Variants in RAD51B observed in about 807,000 individuals in gnomAD.
The protein encoded by RAD51B is RAD51 paralog B.
A neutral mutation model predicts 42.2 loss-of-function variants in RAD51B; 38 were observed. That is an observed-to-expected ratio of 0.90 (90% CI 0.70 to 1.18). The LOEUF (loss-of-function observed/expected upper bound fraction) is 1.18, where lower values mean the gene tolerates loss of function less well. RAD51B is among the 50% of genes most tolerant of loss of function. The pLI is 0.00. For synonymous variants in RAD51B, 154 were observed against 145.2 expected (o/e 1.06, Z -0.43); for missense variants, 373 against 400.7 (o/e 0.93, Z 0.59).
intron 9 of RAD51B, among the ~76,000 whole-genome samples, chr14:68,419,722 C>G (rs1369859042): frequency 6.6e-6 from 1 of 152,158 alleles, no homozygotes; most frequent in African/African-American, 2.4e-5. Flanking sequence ...ATGGGAGAAC[C>G]AACTTTGTCT....
At chr14:67,830,802 G>A (rs2041010121) in intron 3 of RAD51B, among the ~76,000 whole-genome samples, 1 of 152,056 alleles carries the variant, frequency 6.6e-6, no homozygotes. Context: ...TTGAGAAACT[G>A]AGTGGTACCA....
intron 7 of RAD51B, among the ~76,000 whole-genome samples, chr14:68,090,078 T>G (rs1051681127): frequency 2.0e-5 from 3 of 152,186 alleles, no homozygotes; most frequent in Non-Finnish European, 4.4e-5. Context: ...ATTATTTTCT[T>G]ATTTAAAACC....
chr14:68,376,594 T>C (rs2083374871), intron 8 of RAD51B, among the ~76,000 whole-genome samples: 1 of 152,162 alleles, frequency 6.6e-6, no homozygotes. Context: ...GCCAACATAG[T>C]TGGGCAGGGA....
intron 7 of RAD51B, among the ~76,000 whole-genome samples, chr14:68,103,639 T>G (rs1035450193): frequency 4.6e-5 from 7 of 152,168 alleles, no homozygotes; most frequent in Non-Finnish European, 8.8e-5. Flanking sequence ...TTTAAAGTGT[T>G]AGTACAAATT....
chr14:67,869,228 G>A (rs2042436310), intron 5 of RAD51B, among the ~76,000 whole-genome samples: 1 of 152,200 alleles, frequency 6.6e-6, no homozygotes, highest in Non-Finnish European at 1.5e-5. Context: ...AACCAAGACA[G>A]GGAAGTGCTT....
At chr14:68,157,288 C>T (rs1205089027) in intron 7 of RAD51B, among the ~76,000 whole-genome samples, 1 of 152,126 alleles carries the variant, frequency 6.6e-6, no homozygotes, top group African/African-American at 2.4e-5. Context: ...TAAAAGAGTG[C>T]TATTAAAAGT....
chr14:68,147,611 T>C (rs2078279403), intron 7 of RAD51B, among the ~76,000 whole-genome samples: 1 of 152,192 alleles, frequency 6.6e-6, no homozygotes, highest in Non-Finnish European at 1.5e-5. Flanking sequence ...TAATGCCCAA[T>C]TGTATCCCCT....
intron 7 of RAD51B, among the ~76,000 whole-genome samples, chr14:68,009,006 C>T (rs2140326320): frequency 6.6e-6 from 1 of 152,058 alleles, no homozygotes; most frequent in South Asian, 2.1e-4. Context: ...ATCACTTTTA[C>T]CTTTAAATGA....
chr14:67,915,171 C>G (rs2044110135), intron 7 of RAD51B, among the ~76,000 whole-genome samples: 1 of 152,134 alleles, frequency 6.6e-6, no homozygotes, highest in Non-Finnish European at 1.5e-5. Context: ...TTCTAAACCT[C>G]AGCATCACGC....
chr14:68,341,265 T>G (rs1386701538), intron 8 of RAD51B, among the ~76,000 whole-genome samples: 3 of 151,954 alleles, frequency 2.0e-5, no homozygotes, highest in African/African-American at 4.8e-5. Context: ...ATAGGAAAAA[T>G]TAGTTGATCT....
intron 7 of RAD51B, among the ~76,000 whole-genome samples, chr14:68,251,252 T>C (rs1026207473): frequency 1.3e-5 from 2 of 152,142 alleles, no homozygotes; most frequent in Non-Finnish European, 2.9e-5. Context: ...CAGCAGTAAG[T>C]GGGCTCTGAC....
At chr14:68,277,738 GT>G (rs1367632682) in intron 7 of RAD51B, among the ~76,000 whole-genome samples, 5 of 151,672 alleles carry the variant, frequency 3.3e-5, no homozygotes, top group African/African-American at 1.2e-4. Flanking sequence ...TGTTCTGGGG[GT>G]TTTTTTTGTT....
intron 7 of RAD51B, among the ~76,000 whole-genome samples, chr14:68,073,041 T>C (rs1269802083): frequency 6.6e-6 from 1 of 152,146 alleles, no homozygotes; most frequent in African/African-American, 2.4e-5. Flanking sequence ...TAGATGTATG[T>C]TTAGTGTATT....
At chr14:68,067,109 T>C (rs2076662924) in intron 7 of RAD51B, among the ~76,000 whole-genome samples, 2 of 152,132 alleles carry the variant, frequency 1.3e-5, no homozygotes, top group Admixed American at 6.5e-5. Context: ...TGCTCACTTA[T>C]GGAATGAAGT....
intron 10 of RAD51B, among the ~76,000 whole-genome samples, chr14:68,498,129 C>T (rs1443352172): frequency 6.6e-6 from 1 of 152,208 alleles, no homozygotes; most frequent in Non-Finnish European, 1.5e-5. Flanking sequence ...TTTCCATCAG[C>T]AATGTATGAG....
chr14:68,180,674 A>G (rs1252623399), intron 7 of RAD51B, among the ~76,000 whole-genome samples: 1 of 152,178 alleles, frequency 6.6e-6, no homozygotes, highest in Admixed American at 6.5e-5. Flanking sequence ...ATGCAAAACT[A>G]CTGCCTTATG....
At chr14:67,921,618 C>CAA (rs1490495723) in intron 7 of RAD51B, among the ~76,000 whole-genome samples, 11 of 138,366 alleles carry the variant, frequency 7.9e-5, no homozygotes, top group African/African-American at 2.5e-4. Flanking sequence ...CACACACACA[C>CAA]ACACATTTTG....
chr14:68,413,637 C>T (rs2084474511), intron 9 of RAD51B, among the ~76,000 whole-genome samples: 1 of 152,130 alleles, frequency 6.6e-6, no homozygotes, highest in Non-Finnish European at 1.5e-5. Context: ...ATAGAAAAAA[C>T]ATGTCTCTGT....
At chr14:68,662,680 C>T (rs1892956795) in intron 11 of RAD51B, among the ~76,000 whole-genome samples, 1 of 152,200 alleles carries the variant, frequency 6.6e-6, no homozygotes, top group African/African-American at 2.4e-5. Context: ...TGTCTCCTCC[C>T]TCCAAAAAAG....
Sources: allele counts gnomAD v4.1 joint callset (sites outside exome capture counted in the v4.1 genomes callset), GRCh38; gene constraint gnomAD v4.1.1; transcripts MANE v1.5; gene names NCBI Gene and HGNC (gene_info 2026-07-23, HGNC 2026-07-21).